Variants in KIF1B observed in about 807,000 individuals in gnomAD.
KIF1B encodes kinesin-like protein KIF1B.
KIF1B carries 76 observed loss-of-function variants against 241.9 expected under a neutral mutation model. The ratio of observed to expected loss-of-function variants is 0.31; its 90% CI spans 0.26 to 0.38. KIF1B has a LOEUF of 0.38. Ranked by LOEUF, KIF1B falls within the 10% of genes least tolerant of loss-of-function variation. KIF1B has a pLI of 1.00. For synonymous variants in KIF1B, 750 were observed against 796.7 expected (o/e 0.94, Z 0.99); for missense variants, 1,622 against 2,271.4 (o/e 0.71, Z 5.81).
At chr1:10,323,233 CCT>C (rs572280959) in intron 24 of KIF1B, among the ~76,000 whole-genome samples, 118 of 152,260 alleles carry the variant, frequency 7.7e-4, no homozygotes, top group Non-Finnish European at 1.2e-3. Context: ...GTGTTTTCAT[CCT>C]CTCTCATTAG....
rs368066001 is a variant in KIF1B at position 10,321,753 on chromosome 1, C to T, written c.2254C>T (p.Arg752Trp). 27 of 1,613,980 alleles carry T rather than the reference C, an allele frequency of 1.7e-5. No homozygotes were observed. Among genetic ancestry groups the T allele is most frequent in the South Asian group, 3.3e-5 (3 of 91,090 alleles). The part of the protein sequence containing the change: ...HEFELAQWAF[R>W]KWKSHQFTSL... ...ATTTGAGTTGGCCCAATGGGCCTTC[C>T]GGAAATGGAAGTCTCATCAGTTTAC... The change falls in exon 24 of 49, where the codon CGG (arginine) becomes TGG (tryptophan). Residue 752 changes from arginine (R) to tryptophan (W), a missense_variant. Arg to Trp is a moderately radical substitution (Grantham distance 101). This residue lies in a region of KIF1B where 803 missense variants were observed against 1,112.0 expected (regional missense o/e 0.72). Coordinates refer to ENST00000676179, the MANE Select transcript of KIF1B (RefSeq NM_001365951.3).
chr1:10,342,171 T>C lies in KIF1B; in HGVS notation c.3632+3T>C. 6.5e-7 allele frequency: 1 copy of C among 1,548,788 alleles called. No homozygotes were observed. Among genetic ancestry groups the C allele is most frequent in the Non-Finnish European group, 8.9e-7 (1 of 1,120,352 alleles). ...CTGCAAGGACAGGAGCTTAACAGGT[T>C]TGGACCAGATAAGCAAACATTTTTG... On this transcript the variant is annotated splice_donor_region_variant and intron_variant, in intron 33 of 48. Coordinates refer to ENST00000676179, the MANE Select transcript of KIF1B (RefSeq NM_001365951.3).
chr1:10,363,374 G>A (rs759869253), intron 41 of KIF1B, 30 bp downstream of exon 41: 2 of 1,551,396 alleles, frequency 1.3e-6, no homozygotes, highest in Admixed American at 1.7e-5. Flanking sequence ...GGAGGTGATA[G>A]TTATCTTTGT....
chr1:10,299,800 A>G (rs112906456), intron 22 of KIF1B, among the ~76,000 whole-genome samples: 1 of 151,890 alleles, frequency 6.6e-6, no homozygotes, highest in Non-Finnish European at 1.5e-5. Context: ...CTCTCTTCTT[A>G]TTTGCATAAG....
intron 22 of KIF1B, among the ~76,000 whole-genome samples, chr1:10,316,464 T>A (rs1651309908): frequency 6.6e-6 from 1 of 151,548 alleles, no homozygotes; most frequent in South Asian, 2.1e-4. Context: ...CCCATGCATC[T>A]TTTACTCAAT....
chr1:10,216,553 A>G lies in KIF1B; in HGVS notation c.-80+5675A>G, dbSNP rs998956854. ...ATACCCTCCATTCTTACTCCGTGTC[A>G]TGGAGAAACCTGCATAGTGCTGGGG... On this transcript the variant is annotated intron_variant, in intron 1 of 48. Coordinates refer to ENST00000676179, the MANE Select transcript of KIF1B (RefSeq NM_001365951.3). Among the ~76,000 whole-genome samples the G allele has an allele frequency of 1.1e-4, 16 of 152,174 alleles. 1 individual carries two copies. The highest frequency in any genetic ancestry group is 3.9e-4 in the African/African-American group (16 of 41,454).
At chr1:10,260,142 A>G (rs992585792) in intron 4 of KIF1B, among the ~76,000 whole-genome samples, 1 of 152,316 alleles carries the variant, frequency 6.6e-6, no homozygotes, top group South Asian at 2.1e-4. Context: ...CTCCACACCT[A>G]GACTGCGTTG....
chr1:10,317,657 C>T (rs1371259790), intron 22 of KIF1B, among the ~76,000 whole-genome samples: 1 of 151,290 alleles, frequency 6.6e-6, no homozygotes, highest in East Asian at 1.9e-4. Context: ...TAGTGAAACC[C>T]TGTCTCTACT....
At chr1:10,368,767 T>G (rs1189400771) in intron 44 of KIF1B, among the ~76,000 whole-genome samples, 2 of 152,224 alleles carry the variant, frequency 1.3e-5, no homozygotes, top group Non-Finnish European at 2.9e-5. Context: ...AGAGTGATTA[T>G]CAGATGGGAA....
In KIF1B at chr1:10,368,496, CA is replaced by C; in HGVS notation, c.4783del (p.Arg1595GlufsTer45). The C allele has an allele frequency of 6.2e-7, 1 of 1,614,076 alleles. No individual in the cohort carries two copies. The highest frequency in any genetic ancestry group is 8.5e-7 in the Non-Finnish European group (1 of 1,179,950). Reference protein sequence around the residue: ...CLQLLTHTFNREFSQVHGSVS... With the variant: ...CLQLLTHTFNXEFSQVHGSVS... ...TGCAACTTCTCACCCACACTTTCAA[CA>C]GAGAATTCAGCCAGGTGCACGGCAG... On this transcript the variant is annotated frameshift_variant, in exon 44 of 49. Coordinates refer to ENST00000676179, the MANE Select transcript of KIF1B (RefSeq NM_001365951.3). LOFTEE classifies it high-confidence loss of function.
At chr1:10,246,367 A>C (rs1364655823) in intron 2 of KIF1B, among the ~76,000 whole-genome samples, 1 of 151,906 alleles carries the variant, frequency 6.6e-6, no homozygotes, top group African/African-American at 2.4e-5. Flanking sequence ...TGCCATTTCT[A>C]CTCTAGTCAA....
chr1:10,231,814 C>G (rs1646987259), intron 1 of KIF1B, among the ~76,000 whole-genome samples: 9 of 152,168 alleles, frequency 5.9e-5, no homozygotes, highest in Admixed American at 4.6e-4. Flanking sequence ...CAGAAACACA[C>G]ACAGAGAGAG....
rs1367895537 is a variant in KIF1B at position 10,303,199 on chromosome 1, A to T, written c.2115+5953A>T. ...TGATAGCGGGGACGATTCTGACAAG[A>T]GGTCGTGTGAAGAGAGCTGGAAACT... On this transcript the variant is annotated intron_variant, in intron 22 of 48. Transcript: ENST00000676179. The surrounding 1 kb of genome is among the most constrained non-coding windows in gnomAD (Gnocchi z 5.2). 6.2e-7 allele frequency: 1 copy of T among 1,613,840 alleles called. No homozygotes were observed. Among genetic ancestry groups the T allele is most frequent in the Admixed American group, 1.7e-5 (1 of 59,978 alleles).
chr1:10,274,610 T>G (rs1183950727), intron 10 of KIF1B, among the ~76,000 whole-genome samples: 1 of 152,204 alleles, frequency 6.6e-6, no homozygotes, highest in Non-Finnish European at 1.5e-5. Flanking sequence ...ACCCAACCAA[T>G]GACATGGTGG....
At position 10,376,643 on chromosome 1, in the gene KIF1B, T is replaced by A; in HGVS notation, c.*56T>A. 1 of 1,521,970 alleles carries A rather than the reference T, an allele frequency of 6.6e-7. No individual in the cohort carries two copies. The highest frequency in any genetic ancestry group is 9.1e-7 in the Non-Finnish European group (1 of 1,096,470). The allele number at this position is 1,521,970 out of a possible 1,614,324, so 94.3% of individuals were successfully genotyped here. On this transcript the variant is annotated 3_prime_UTR_variant, in exon 49 of 49. Transcript: ENST00000676179. ...CGAGAGATAAAGAAAGCGTTACCTC[T>A]CATTTCTCTTTGTGATTCTTGACGG...
intron 22 of KIF1B, among the ~76,000 whole-genome samples, chr1:10,309,736 C>T (rs950182451): frequency 1.3e-5 from 2 of 151,454 alleles, no homozygotes; most frequent in African/African-American, 4.9e-5. Flanking sequence ...CAACCAAGAT[C>T]ATCTTTTAAA....
At chr1:10,309,852 A>G (rs76930106) in intron 22 of KIF1B, among the ~76,000 whole-genome samples, 3,016 of 151,402 alleles carry the variant, frequency 0.02, 197 homozygotes, top group African/African-American at 0.068. Context: ...CTGCTTACCT[A>G]CCACTCTTAA....
At chr1:10,250,330 G>T (rs1647367313) in intron 2 of KIF1B, among the ~76,000 whole-genome samples, 1 of 150,168 alleles carries the variant, frequency 6.7e-6, no homozygotes, top group Non-Finnish European at 1.5e-5. Context: ...CCTAAATACA[G>T]TATTTCTTAA....
chr1:10,309,059 C>A (rs1341027246), intron 22 of KIF1B, among the ~76,000 whole-genome samples: 1 of 152,068 alleles, frequency 6.6e-6, no homozygotes, highest in African/African-American at 2.4e-5. Context: ...TTTTCTTCAC[C>A]CAGAGTATTG....
Sources: gnomAD v4.1 joint callset for allele counts (sites outside exome capture counted in the v4.1 genomes callset) on GRCh38, gnomAD v4.1.1 for gene constraint, gnomAD v4.1.1 regional missense constraint, Gnocchi (gnomAD v3.1) non-coding constraint, MANE v1.5 for transcripts, NCBI Gene and HGNC (gene_info 2026-07-23, HGNC 2026-07-21) for gene names.